The following DSCAM variants were observed in gnomAD, a reference collection of about 807,000 sequenced individuals.
DSCAM encodes the protein DS cell adhesion molecule.
A neutral mutation model predicts 217.7 loss-of-function variants in DSCAM; 47 were observed. The ratio of observed to expected loss-of-function variants is 0.22; its 90% CI spans 0.17 to 0.28. DSCAM has a LOEUF of 0.28. Ranked by LOEUF, DSCAM falls within the 10% of genes least tolerant of loss-of-function variation. The probability of loss-of-function intolerance (pLI) is 1.00; values close to 1 mark genes in which losing one functional copy is unlikely to be tolerated. For synonymous variants in DSCAM, 1,056 were observed against 1,015.3 expected, an observed-to-expected ratio of 1.04 and a Z score of -0.76; for missense variants, 2,080 against 2,618.3, an observed-to-expected ratio of 0.79 and a Z score of 4.49.
At chr21:40,031,185 G>T (rs1601246476) in intron 32 of DSCAM, among the ~76,000 whole-genome samples, 1 of 152,174 alleles carries the variant, frequency 6.6e-6, no homozygotes, top group Admixed American at 6.5e-5. Context: ...GGCTGTGCCA[G>T]TTCCTCGAGA....
intron 1 of DSCAM, among the ~76,000 whole-genome samples, chr21:40,839,826 T>G (rs2092085731): frequency 1.3e-5 from 2 of 152,100 alleles, no homozygotes; most frequent in Non-Finnish European, 2.9e-5. Flanking sequence ...CACTGTCTTC[T>G]CAGTAAAAAA....
intron 11 of DSCAM, among the ~76,000 whole-genome samples, chr21:40,193,696 C>T (rs1042208747): frequency 6.6e-6 from 1 of 152,196 alleles, no homozygotes; most frequent in Admixed American, 6.5e-5. Flanking sequence ...TCCTGGGCAT[C>T]TCAAGGCTAT....
intron 3 of DSCAM, chr21:40,618,562 T>C (rs560847710): frequency 6.6e-5 from 10 of 152,280 alleles, no homozygotes; most frequent in Admixed American, 5.2e-4. Context: ...CATTTGTGCT[T>C]TGTCAAATAA....
chr21:40,342,949 A>C (rs2074515330), intron 6 of DSCAM, among the ~76,000 whole-genome samples: 1 of 151,578 alleles, frequency 6.6e-6, no homozygotes, highest in African/African-American at 2.4e-5. Context: ...TAATCCTTGA[A>C]TATGGTATAT....
chr21:40,181,674 C>T (rs576306003), intron 14 of DSCAM, among the ~76,000 whole-genome samples: 8 of 151,358 alleles, frequency 5.3e-5, no homozygotes, highest in East Asian at 3.9e-4. Flanking sequence ...TTGATATTTC[C>T]GGGCACCTGC....
intron 21 of DSCAM, among the ~76,000 whole-genome samples, chr21:40,088,810 AG>A (rs2146580604): frequency 6.6e-6 from 1 of 152,330 alleles, no homozygotes; most frequent in Admixed American, 6.5e-5. Flanking sequence ...ATTCAGCTAG[AG>A]TTAGGGGCTT....
chr21:40,666,599 A>G (rs1421295184), intron 3 of DSCAM, among the ~76,000 whole-genome samples: 1 of 152,202 alleles, frequency 6.6e-6, no homozygotes, highest in Non-Finnish European at 1.5e-5. Flanking sequence ...TTCAGAGGGA[A>G]GGATTCCTTT....
intron 3 of DSCAM, among the ~76,000 whole-genome samples, chr21:40,404,947 G>A (rs975615650): frequency 6.6e-6 from 1 of 152,186 alleles, no homozygotes; most frequent in Non-Finnish European, 1.5e-5. Flanking sequence ...AGAGACATAT[G>A]AAATAATTTA....
chr21:40,620,182 GA>G (rs1359393678), intron 3 of DSCAM, among the ~76,000 whole-genome samples: 1 of 67,090 alleles, frequency 1.5e-5, no homozygotes, highest in African/African-American at 6.5e-5. Context: ...GAAAGAGAGA[GA>G]AAAAAGAAAA....
At chr21:40,577,748 T>C (rs2076865724) in intron 3 of DSCAM, among the ~76,000 whole-genome samples, 1 of 152,034 alleles carries the variant, frequency 6.6e-6, no homozygotes, top group Non-Finnish European at 1.5e-5. Flanking sequence ...AGGCAAAAAG[T>C]TAAAAGGATA....
At position 40,312,652 on chromosome 21, in the gene DSCAM, G is replaced by A. The variant is rs1431840263; in HGVS notation, c.1784-293C>T. 2.6e-5 allele frequency among the ~76,000 whole-genome samples: 4 copies of A among 152,194 alleles called. No individual in the cohort carries two copies. In the East Asian group the frequency reaches 7.7e-4, roughly 29 times the overall value. ...AGACTATATCTGTAGTGTAAATAGT[G>A]TGAAAGAGGGATTTAGGTTTGGTTT... On this transcript the variant is annotated intron_variant, in intron 8 of 32. Transcript: ENST00000400454.
chr21:40,316,526 A>T (rs74852652), intron 8 of DSCAM, among the ~76,000 whole-genome samples: 3 of 152,198 alleles, frequency 2.0e-5, no homozygotes, highest in Admixed American at 2.0e-4. Flanking sequence ...TGAACCTCCT[A>T]TTTGAGACAC....
intron 2 of DSCAM, among the ~76,000 whole-genome samples, chr21:40,703,996 C>T (rs2090684970): frequency 6.6e-6 from 1 of 152,122 alleles, no homozygotes; most frequent in Non-Finnish European, 1.5e-5. Flanking sequence ...TATCATCTTG[C>T]ATTAATGTGA....
intron 3 of DSCAM, among the ~76,000 whole-genome samples, chr21:40,498,655 G>A (rs1226210658): frequency 4.1e-4 from 46 of 111,382 alleles, no homozygotes; most frequent in African/African-American, 1.4e-3. Flanking sequence ...TAGTGTGTGT[G>A]TATATATATA....
intron 1 of DSCAM, among the ~76,000 whole-genome samples, chr21:40,804,526 C>T (rs548503587): frequency 2.0e-5 from 3 of 152,100 alleles, no homozygotes; most frequent in Admixed American, 6.5e-5. Context: ...CTCCCCTCCC[C>T]GTTCCCAGCA....
At chr21:40,832,496 G>T (rs889570411) in intron 1 of DSCAM, among the ~76,000 whole-genome samples, 3 of 152,184 alleles carry the variant, frequency 2.0e-5, no homozygotes, top group Non-Finnish European at 4.4e-5. Context: ...AATCTATGCA[G>T]ATAATTACTC....
intron 3 of DSCAM, among the ~76,000 whole-genome samples, chr21:40,662,123 A>AAAAC (rs201953664): frequency 5.0e-4 from 13 of 25,988 alleles, no homozygotes; most frequent in African/African-American, 7.4e-4. Context: ...TTACGTTGTT[A>AAAAC]AAACAAACAA....
intron 18 of DSCAM, among the ~76,000 whole-genome samples, chr21:40,138,612 T>C (rs996120873): frequency 7.5e-6 from 1 of 133,750 alleles, no homozygotes; most frequent in Non-Finnish European, 1.6e-5. Flanking sequence ...GAGGTGTGTG[T>C]GGTGAGTGTG....
At chr21:40,686,114 AAC>A (rs1056272575) in intron 3 of DSCAM, among the ~76,000 whole-genome samples, 19 of 146,622 alleles carry the variant, frequency 1.3e-4, no homozygotes, top group Admixed American at 7.3e-5. Flanking sequence ...ACACATACAC[AAC>A]ACACAGATAC....
Sources: gnomAD v4.1 joint callset for allele counts (sites outside exome capture counted in the v4.1 genomes callset) on GRCh38, gnomAD v4.1.1 for gene constraint, MANE v1.5 for transcripts, NCBI Gene and HGNC (gene_info 2026-07-23, HGNC 2026-07-21) for gene names.